NSMCE2: variants seen among roughly 807,000 people sequenced by gnomAD.
NSMCE2 encodes the protein NSE2 SUMO ligase component of SMC5/6 complex, also known as E3 SUMO-protein ligase NSE2.
Under a neutral mutation model 23.8 loss-of-function variants are expected in NSMCE2, and 24 were observed. That is an observed-to-expected ratio of 1.01 (90% CI 0.73 to 1.42). The LOEUF is 1.42. Ranked by LOEUF, NSMCE2 falls within the 40% of genes most tolerant of loss-of-function variation. The pLI is 0.00. For synonymous variants in NSMCE2, 92 were observed against 94.1 expected (o/e 0.98, Z 0.13); for missense variants, 284 against 296.5 (o/e 0.96, Z 0.31).
intron 5 of NSMCE2, among the ~76,000 whole-genome samples, chr8:125,267,688 G>A (rs1826986588): frequency 6.6e-6 from 1 of 152,130 alleles, no homozygotes; most frequent in African/African-American, 2.4e-5. Context: ...CGGTTGGGAG[G>A]ATAACTTGAG....
chr8:125,117,549 T>C (rs1303298497), intron 3 of NSMCE2, among the ~76,000 whole-genome samples: 1 of 152,118 alleles, frequency 6.6e-6, no homozygotes, highest in African/African-American at 2.4e-5. Context: ...TTTTATTTTA[T>C]TTTTTTAAGA....
chr8:125,302,710 G>A (rs908245962), intron 5 of NSMCE2, among the ~76,000 whole-genome samples: 31 of 152,122 alleles, frequency 2.0e-4, no homozygotes, highest in African/African-American at 7.5e-4. Context: ...GAGGGGTTGG[G>A]GAGCGTGCAG....
intron 5 of NSMCE2, among the ~76,000 whole-genome samples, chr8:125,243,395 T>C (rs576310034): frequency 6.6e-6 from 1 of 152,120 alleles, no homozygotes. Flanking sequence ...AGCTGAAAGA[T>C]GTTCCAAAAG....
At chr8:125,280,835 G>T (rs867536361) in intron 5 of NSMCE2, among the ~76,000 whole-genome samples, 1 of 152,150 alleles carries the variant, frequency 6.6e-6, no homozygotes, top group South Asian at 2.1e-4. Flanking sequence ...TTTGGTAAGG[G>T]AAATCTCATT....
intron 5 of NSMCE2, among the ~76,000 whole-genome samples, chr8:125,233,005 G>A (rs1390329241): frequency 6.6e-6 from 1 of 152,158 alleles, no homozygotes; most frequent in Non-Finnish European, 1.5e-5. Context: ...AACTAGTTCT[G>A]GAGGCTTAGT....
intron 5 of NSMCE2, among the ~76,000 whole-genome samples, chr8:125,243,967 A>G (rs1825859846): frequency 6.6e-6 from 1 of 152,208 alleles, no homozygotes. Flanking sequence ...TTATAAAGAC[A>G]TTCTGGAGCC....
chr8:125,120,515 T>G (rs1327411370), intron 3 of NSMCE2, among the ~76,000 whole-genome samples: 2 of 152,236 alleles, frequency 1.3e-5, no homozygotes, highest in Non-Finnish European at 2.9e-5. Context: ...CATGATAATT[T>G]GAATCCACAT....
intron 4 of NSMCE2, among the ~76,000 whole-genome samples, chr8:125,175,597 A>G (rs1412350346): frequency 6.6e-6 from 1 of 152,170 alleles, no homozygotes; most frequent in African/African-American, 2.4e-5. Context: ...AGTTACAGGA[A>G]TGACTAATTT....
At chr8:125,219,889 C>T (rs978037092) in intron 5 of NSMCE2, among the ~76,000 whole-genome samples, 1 of 152,156 alleles carries the variant, frequency 6.6e-6, no homozygotes, top group Admixed American at 6.5e-5. Context: ...CAAGATGGTT[C>T]GTGCCATTCA....
intron 5 of NSMCE2, among the ~76,000 whole-genome samples, chr8:125,240,351 C>G (rs2130977436): frequency 6.6e-6 from 1 of 152,284 alleles, no homozygotes; most frequent in South Asian, 2.1e-4. Flanking sequence ...TCTTGAACTC[C>G]TGACCTCGTG....
intron 5 of NSMCE2, among the ~76,000 whole-genome samples, chr8:125,288,857 C>T (rs570723903): frequency 6.6e-6 from 1 of 152,226 alleles, no homozygotes; most frequent in East Asian, 1.9e-4. Flanking sequence ...TGCAGTGGCT[C>T]GATCTTGGCT....
intron 5 of NSMCE2, among the ~76,000 whole-genome samples, chr8:125,237,722 G>A (rs1002440297): frequency 6.6e-6 from 1 of 152,188 alleles, no homozygotes. Context: ...CCTGAGTCCA[G>A]TCAGTGAGAC....
chr8:125,262,466 A>G (rs745369547), intron 5 of NSMCE2, among the ~76,000 whole-genome samples: 7 of 152,170 alleles, frequency 4.6e-5, no homozygotes, highest in Non-Finnish European at 1.0e-4. Context: ...GTGAAAGTAT[A>G]TGAGTCAAAC....
intron 3 of NSMCE2, among the ~76,000 whole-genome samples, chr8:125,110,762 GTT>G (rs1017002301): frequency 4.8e-5 from 2 of 41,826 alleles, no homozygotes; most frequent in Admixed American, 5.5e-4. Flanking sequence ...GGTTGTTGTT[GTT>G]TTTTTTTTTT....
chr8:125,256,893 A>G (rs1586679001), intron 5 of NSMCE2, among the ~76,000 whole-genome samples: 1 of 127,070 alleles, frequency 7.9e-6, no homozygotes, highest in Admixed American at 9.6e-5. Context: ...ACTGCACTCC[A>G]GCCTGGGCGA....
chr8:125,121,490 A>G (rs544466672), intron 3 of NSMCE2, among the ~76,000 whole-genome samples: 1 of 152,334 alleles, frequency 6.6e-6, no homozygotes, highest in Non-Finnish European at 1.5e-5. Flanking sequence ...TAATTTTGTT[A>G]GCAGATAAGG....
intron 5 of NSMCE2, among the ~76,000 whole-genome samples, chr8:125,351,159 A>G (rs1813016112): frequency 6.6e-6 from 1 of 152,194 alleles, no homozygotes. Flanking sequence ...CCAAAGGCAG[A>G]GCTGCTTGGC....
At chr8:125,210,631 G>C (rs1017993195) in intron 5 of NSMCE2, among the ~76,000 whole-genome samples, 14 of 152,074 alleles carry the variant, frequency 9.2e-5, no homozygotes, top group African/African-American at 2.7e-4. Context: ...GCCTCATTTT[G>C]TTCCTTTTTT....
intron 5 of NSMCE2, among the ~76,000 whole-genome samples, chr8:125,252,078 T>C (rs1312079273): frequency 6.6e-6 from 1 of 152,226 alleles, no homozygotes; most frequent in East Asian, 1.9e-4. Context: ...GTTGAATCCT[T>C]GTAATCCTAG....
Sources: gnomAD v4.1 joint callset for allele counts (sites outside exome capture counted in the v4.1 genomes callset) on GRCh38, gnomAD v4.1.1 for gene constraint, MANE v1.5 for transcripts, NCBI Gene and HGNC (gene_info 2026-07-23, HGNC 2026-07-21) for gene names.